ADAMTS3: variants seen among roughly 807,000 people sequenced by gnomAD.
The protein encoded by ADAMTS3 is A disintegrin and metalloproteinase with thrombospondin motifs 3.
ADAMTS3 carries 73 observed loss-of-function variants against 129.0 expected under a neutral mutation model. That is an observed-to-expected ratio of 0.57 (90% CI 0.47 to 0.69). ADAMTS3 has a LOEUF of 0.69. Ranked by LOEUF, ADAMTS3 falls within the 30% of genes least tolerant of loss-of-function variation. The pLI is 0.00. For synonymous variants in ADAMTS3, 477 were observed against 510.8 expected, an observed-to-expected ratio of 0.93 and a Z score of 0.89; for missense variants, 1,457 against 1,514.5, an observed-to-expected ratio of 0.96 and a Z score of 0.63.
intron 3 of ADAMTS3, among the ~76,000 whole-genome samples, chr4:72,477,039 C>T (rs1435174952): frequency 1.3e-5 from 2 of 152,032 alleles, no homozygotes; most frequent in East Asian, 3.9e-4. Context: ...CTCAACTTGA[C>T]AAAAAGCATC....
At chr4:72,314,396 A>G (rs1281452697) in intron 11 of ADAMTS3, among the ~76,000 whole-genome samples, 1 of 152,174 alleles carries the variant, frequency 6.6e-6, no homozygotes, top group Non-Finnish European at 1.5e-5. Flanking sequence ...AGAAAGGTTC[A>G]TAAGTAGTTG....
At chr4:72,389,478 T>C (rs1427418602) in intron 4 of ADAMTS3, among the ~76,000 whole-genome samples, 1 of 152,022 alleles carries the variant, frequency 6.6e-6, no homozygotes, top group African/African-American at 2.4e-5. Context: ...TTTATTTTTG[T>C]TCATCTGTAT....
At chr4:72,415,708 CT>C (rs1722287448) in intron 3 of ADAMTS3, among the ~76,000 whole-genome samples, 1 of 151,890 alleles carries the variant, frequency 6.6e-6, no homozygotes, top group South Asian at 2.1e-4. Context: ...TCTGTTTCAT[CT>C]TTTAATTATT....
chr4:72,333,848 C>CTTTTTTTTTTT lies in ADAMTS3; in HGVS notation c.861+5635_861+5645dup, dbSNP rs6148516. 1.2e-4 allele frequency among the ~76,000 whole-genome samples: 12 copies of CTTTTTTTTTTT among 99,464 alleles called. 2 individuals carry two copies. Among genetic ancestry groups the CTTTTTTTTTTT allele is most frequent in the African/African-American group, 3.5e-4 (9 of 25,510 alleles). The allele number at this position is 99,464 out of a possible 152,430, so 65.3% of individuals were successfully genotyped here. A position where few individuals can be genotyped will look rare whatever the true frequency, so the allele number is the denominator to read the frequency against. ...TTGTTGTTGTTTGTTTGTTTGCTTG[C>CTTTTTTTTTTT]TTTTTTTTTTTTTTTTTTTGAGACG... is the stretch of plus-strand genomic sequence containing the variant. On this transcript the variant is annotated intron_variant, in intron 5 of 21. Transcript: ENST00000286657.
At chr4:72,321,017 T>C (rs1719539732) in intron 6 of ADAMTS3, 147 bp from the exon 7 acceptor site, 1 of 792,266 alleles carries the variant, frequency 1.3e-6, no homozygotes, top group South Asian at 2.4e-5. Flanking sequence ...TGCTTTGATT[T>C]GTGACTTCTA....
intron 3 of ADAMTS3, among the ~76,000 whole-genome samples, chr4:72,429,542 T>C (rs1578672210): frequency 1.3e-5 from 2 of 152,018 alleles, no homozygotes; most frequent in African/African-American, 4.8e-5. Flanking sequence ...AAAGCATTAT[T>C]AAACATACCA....
At chr4:72,521,971 A>G (rs1477895075) in intron 3 of ADAMTS3, among the ~76,000 whole-genome samples, 1 of 152,200 alleles carries the variant, frequency 6.6e-6, no homozygotes, top group Non-Finnish European at 1.5e-5. Context: ...AAAACATCCC[A>G]TTGAAAACAG....
At chr4:72,508,096 T>C (rs1720210581) in intron 3 of ADAMTS3, among the ~76,000 whole-genome samples, 1 of 152,064 alleles carries the variant, frequency 6.6e-6, no homozygotes, top group African/African-American at 2.4e-5. Flanking sequence ...AAACCACATC[T>C]CTGAAGGGCA....
chr4:72,452,070 C>T (rs1331965866), intron 3 of ADAMTS3, among the ~76,000 whole-genome samples: 2 of 151,692 alleles, frequency 1.3e-5, no homozygotes, highest in Non-Finnish European at 2.9e-5. Context: ...TGCACTCCAG[C>T]CTGAGTGAGA....
chr4:72,362,656 C>T (rs551613283), intron 4 of ADAMTS3, among the ~76,000 whole-genome samples: 1 of 152,066 alleles, frequency 6.6e-6, no homozygotes, highest in Non-Finnish European at 1.5e-5. Context: ...TGATGACTGA[C>T]ACTTTGGTTC....
In ADAMTS3 at chr4:72,528,522, A is replaced by C. The variant is rs1364434838; in HGVS notation, c.504+19956T>G. On this transcript the variant is annotated intron_variant, in intron 3 of 21. Transcript: ENST00000286657. The stretch of plus-strand genomic sequence containing the variant: ...TGTTTGTCAATTAAAAGTGAAAACT[A>C]AAAAAAAAAAAAAAAAACAGATGCT... 7.9e-4 allele frequency among the ~76,000 whole-genome samples: 73 copies of C among 92,654 alleles called. No homozygotes were observed. In the African/African-American group the frequency reaches 8.6e-3, roughly 11 times the overall value. The allele number at this position is 92,654 out of a possible 152,430, so 60.8% of individuals were successfully genotyped here. A position where few individuals can be genotyped will look rare whatever the true frequency, so the allele number is the denominator to read the frequency against.
At chr4:72,327,983 T>A (rs1450602066) in intron 5 of ADAMTS3, among the ~76,000 whole-genome samples, 1 of 152,046 alleles carries the variant, frequency 6.6e-6, no homozygotes, top group African/African-American at 2.4e-5. Flanking sequence ...AGAAAAGAAA[T>A]AAAGGGTGAA....
At chr4:72,566,944 G>GT in intron 2 of ADAMTS3, among the ~76,000 whole-genome samples, 1 of 152,352 alleles carries the variant, frequency 6.6e-6, no homozygotes, top group South Asian at 2.1e-4. Context: ...AGGAAAGATT[G>GT]TAAGAGAAAA....
intron 3 of ADAMTS3, among the ~76,000 whole-genome samples, chr4:72,424,576 C>T (rs1176183678): frequency 6.6e-6 from 1 of 151,964 alleles, no homozygotes; most frequent in East Asian, 1.9e-4. Flanking sequence ...AAAACGCCTG[C>T]CTAGAATGAA....
intron 3 of ADAMTS3, among the ~76,000 whole-genome samples, chr4:72,540,499 T>C (rs1413547432): frequency 2.0e-5 from 3 of 152,206 alleles, no homozygotes; most frequent in Non-Finnish European, 4.4e-5. Context: ...TGCAGAAATT[T>C]GCATAAATAA....
chr4:72,322,761 T>C (rs1028242513), intron 6 of ADAMTS3, among the ~76,000 whole-genome samples: 2 of 152,172 alleles, frequency 1.3e-5, no homozygotes, highest in African/African-American at 2.4e-5. Flanking sequence ...AAGTCACACC[T>C]AAAGTCAGGG....
intron 3 of ADAMTS3, among the ~76,000 whole-genome samples, chr4:72,507,811 GCTAT>G (rs1396087227): frequency 6.6e-6 from 1 of 152,084 alleles, no homozygotes; most frequent in Admixed American, 6.5e-5. Context: ...CCCTCCACAG[GCTAT>G]CTGTCTATTT....
At chr4:72,311,962 A>G (rs1350427837) in intron 13 of ADAMTS3, 3 of 234,958 alleles carry the variant, frequency 1.3e-5, no homozygotes, top group Non-Finnish European at 2.5e-5. Flanking sequence ...TCAGAAAGGA[A>G]AGATCACAAT....
intron 3 of ADAMTS3, among the ~76,000 whole-genome samples, chr4:72,463,964 A>G (rs1217586985): frequency 6.6e-6 from 1 of 151,896 alleles, no homozygotes; most frequent in Non-Finnish European, 1.5e-5. Flanking sequence ...GGTCTTGGCT[A>G]AAGGGGCGCC....
Sources: gnomAD v4.1 joint callset for allele counts (sites outside exome capture counted in the v4.1 genomes callset) on GRCh38, gnomAD v4.1.1 for gene constraint, MANE v1.5 for transcripts, NCBI Gene and HGNC (gene_info 2026-07-23, HGNC 2026-07-21) for gene names.